Variants in UNC79 observed in about 807,000 individuals in gnomAD.
The protein encoded by UNC79 is unc-79 subunit of NALCN channel complex, also known as protein unc-79 homolog.
UNC79 carries 37 observed loss-of-function variants against 283.1 expected under a neutral mutation model. The observed-to-expected ratio is 0.13, with a 90% confidence interval of 0.10 to 0.17. The LOEUF is 0.17. UNC79 is among the 10% of genes least tolerant of loss of function. UNC79 has a pLI of 1.00. For missense variants in UNC79, 2,272 were observed against 3,211.1 expected, an observed-to-expected ratio of 0.71 and a Z score of 7.07; for synonymous variants, 1,107 against 1,200.2, an observed-to-expected ratio of 0.92 and a Z score of 1.61.
intron 7 of UNC79, among the ~76,000 whole-genome samples, chr14:93,513,692 G>A (rs2140889211): frequency 6.6e-6 from 1 of 152,234 alleles, no homozygotes; most frequent in South Asian, 2.1e-4. Context: ...TCTTCTAGGT[G>A]TTTTGAAATA....
chr14:93,656,968 C>T (rs894846637), intron 38 of UNC79, among the ~76,000 whole-genome samples: 3 of 152,194 alleles, frequency 2.0e-5, no homozygotes, highest in Admixed American at 6.5e-5. Context: ...TAAAGATCAA[C>T]AACCTATGCT....
chr14:93,559,793 A>G (rs2062430264), intron 14 of UNC79, among the ~76,000 whole-genome samples: 2 of 152,188 alleles, frequency 1.3e-5, no homozygotes, highest in South Asian at 4.1e-4. Flanking sequence ...ATATCTGTGC[A>G]GGTCACAGGG....
chr14:93,623,675 A>G (rs1472860252), intron 30 of UNC79, among the ~76,000 whole-genome samples: 7 of 152,186 alleles, frequency 4.6e-5, no homozygotes, highest in African/African-American at 1.7e-4. Context: ...CGGGCAGATC[A>G]TGAGATCAAG....
At chr14:93,472,196 A>G (rs1028100315) in intron 2 of UNC79, among the ~76,000 whole-genome samples, 1 of 152,140 alleles carries the variant, frequency 6.6e-6, no homozygotes, top group African/African-American at 2.4e-5. Flanking sequence ...AGCCATTGTG[A>G]TTCTAGAGGA....
chr14:93,347,229 C>G (rs769542047), intron 1 of UNC79: 23 of 1,564,886 alleles, frequency 1.5e-5, no homozygotes, highest in Non-Finnish European at 2.0e-5. Flanking sequence ...CTCACCTCAC[C>G]TGTGCTGTCC....
intron 22 of UNC79, among the ~76,000 whole-genome samples, chr14:93,590,174 C>T (rs2064554426): frequency 6.6e-6 from 1 of 152,172 alleles, no homozygotes; most frequent in South Asian, 2.1e-4. Flanking sequence ...AGTAGGAACT[C>T]ATCTTAACTG....
exon 32 of UNC79, chr14:93,637,293 A>G (rs141501979): frequency 6.2e-7 from 1 of 1,613,794 alleles, no homozygotes; most frequent in South Asian, 1.1e-5. Context: ...GCCATTGAGG[A>G]TGAGAGGTTA....
At chr14:93,653,718 C>T in intron 35 of UNC79, 24 bp from the exon 39 acceptor site, 3 of 1,599,754 alleles carry the variant, frequency 1.9e-6, no homozygotes, top group Non-Finnish European at 2.6e-6. Context: ...GACTTCGTGT[C>T]TTTTCTCCCC....
At chr14:93,418,625 G>T (rs2055518188) in intron 1 of UNC79, among the ~76,000 whole-genome samples, 5 of 151,848 alleles carry the variant, frequency 3.3e-5, no homozygotes, top group Admixed American at 2.6e-4. Flanking sequence ...GCCCCCAGAG[G>T]TGGAGCCTAC....
intron 14 of UNC79, among the ~76,000 whole-genome samples, chr14:93,546,433 T>A (rs996804882): frequency 6.6e-6 from 1 of 152,248 alleles, no homozygotes; most frequent in African/African-American, 2.4e-5. Flanking sequence ...AGTTTCCCAA[T>A]TATGTCCTGT....
exon 26 of UNC79, chr14:93,603,416 T>C (rs758151756): frequency 3.7e-6 from 6 of 1,613,492 alleles, no homozygotes; most frequent in Non-Finnish European, 5.1e-6. Flanking sequence ...ACCTCCAAAA[T>C]TCGTTGAGTA....
intron 35 of UNC79, among the ~76,000 whole-genome samples, chr14:93,652,722 G>A (rs1195470403): frequency 6.6e-6 from 1 of 152,108 alleles, no homozygotes; most frequent in Admixed American, 6.5e-5. Context: ...AACTCTACTT[G>A]GTCATGACCC....
intron 22 of UNC79, among the ~76,000 whole-genome samples, chr14:93,591,269 T>G (rs2141915540): frequency 6.6e-6 from 1 of 152,262 alleles, no homozygotes; most frequent in South Asian, 2.1e-4. Flanking sequence ...CTCTTACCGG[T>G]GCAGCATGAG....
At chr14:93,481,002 CT>C (rs1440771524) in intron 4 of UNC79, among the ~76,000 whole-genome samples, 1 of 152,106 alleles carries the variant, frequency 6.6e-6, no homozygotes, top group Non-Finnish European at 1.5e-5. Flanking sequence ...AGATAAAGTT[CT>C]GATCTTTGAA....
At chr14:93,397,339 C>G (rs10146473) in intron 1 of UNC79, 10 of 151,988 alleles carry the variant, frequency 6.6e-5, no homozygotes, top group African/African-American at 2.4e-4. Context: ...AACATTCAGA[C>G]AACTTATCTG....
At chr14:93,591,552 G>GTACCGTACTGTGTTTATCAA (rs1241448662) in intron 22 of UNC79, among the ~76,000 whole-genome samples, 1 of 152,204 alleles carries the variant, frequency 6.6e-6, no homozygotes, top group African/African-American at 2.4e-5. Context: ...TGCATTTGCA[G>GTACCGTACTGTGTTTATCAA]TACCGTACTG....
At chr14:93,583,184 G>C (rs773756098) in intron 20 of UNC79, among the ~76,000 whole-genome samples, 6 of 152,072 alleles carry the variant, frequency 3.9e-5, no homozygotes, top group Non-Finnish European at 7.4e-5. Context: ...AGCCAAGTGT[G>C]GTGGCTCATG....
intron 14 of UNC79, among the ~76,000 whole-genome samples, chr14:93,560,848 G>A (rs1200665783): frequency 1.3e-5 from 2 of 152,144 alleles, no homozygotes; most frequent in East Asian, 3.9e-4. Flanking sequence ...TCCAGCTAGG[G>A]CGGCAGCCGT....
chr14:93,375,305 C>T (rs2054532534), intron 1 of UNC79, among the ~76,000 whole-genome samples: 1 of 152,090 alleles, frequency 6.6e-6, no homozygotes. Flanking sequence ...TCACCTGAGC[C>T]CAAGAGGTCA....
Sources: allele counts gnomAD v4.1 joint callset (sites outside exome capture counted in the v4.1 genomes callset), GRCh38; gene constraint gnomAD v4.1.1; transcripts MANE v1.5; gene names NCBI Gene and HGNC (gene_info 2026-07-23, HGNC 2026-07-21).